The following TMCC1 variants were observed in gnomAD, a reference collection of about 807,000 sequenced individuals.
TMCC1 encodes transmembrane and coiled-coil domain family 1, also known as transmembrane and coiled-coil domains protein 1.
Under a neutral mutation model 52.4 loss-of-function variants are expected in TMCC1, and 15 were observed. The ratio of observed to expected loss-of-function variants is 0.29; its 90% CI spans 0.19 to 0.44. The LOEUF (loss-of-function observed/expected upper bound fraction) is 0.44. Among genes scored for constraint, TMCC1 ranks in the 20% least tolerant of loss-of-function variants. TMCC1 has a pLI of 1.00. For synonymous variants in TMCC1, 279 were observed against 301.9 expected, an observed-to-expected ratio of 0.92 and a Z score of 0.79; for missense variants, 503 against 806.0, an observed-to-expected ratio of 0.62 and a Z score of 4.55.
Position 129,670,905 on chromosome 3 carries a change from A to G in TMCC1, c.936T>C (p.Asn312=), listed in dbSNP as rs2087878002. 4 of 1,613,980 alleles carry G rather than the reference A, an allele frequency of 2.5e-6. No homozygotes were observed. The highest frequency in any genetic ancestry group is 3.4e-6 in the Non-Finnish European group (4 of 1,180,018). Residue 312 remains asparagine (N), a synonymous_variant, in exon 5 of 7, where the codon AAT becomes AAC. Coordinates refer to ENST00000393238, the MANE Select transcript of TMCC1 (RefSeq NM_001017395.5). ...YHRKLREVEQ[N]GIPRQPKDVF... is the part of the protein sequence containing the mutation. Reference sequence around the variant, plus strand: ...CATCCTTTGGCTGCCGGGGGATCCCATTCTGCTCTACCTCTCTGAGCTTCC... The same window carrying G: ...CATCCTTTGGCTGCCGGGGGATCCCGTTCTGCTCTACCTCTCTGAGCTTCC...
chr3:129,808,528 G>T (rs2057600690), intron 4 of TMCC1, among the ~76,000 whole-genome samples: 1 of 151,018 alleles, frequency 6.6e-6, no homozygotes, highest in Admixed American at 6.6e-5. Context: ...AGAAAATAAT[G>T]AAAGATTTAC....
At chr3:129,886,143 CAGAT>C (rs774947034) in intron 1 of TMCC1, among the ~76,000 whole-genome samples, 2 of 152,196 alleles carry the variant, frequency 1.3e-5, no homozygotes, top group Admixed American at 6.5e-5. Context: ...TTGCTGCTCT[CAGAT>C]AGATAACTGA....
intron 4 of TMCC1, chr3:129,794,502 G>A: frequency 1.5e-5 from 5 of 337,562 alleles, no homozygotes; most frequent in Admixed American, 3.9e-5. Context: ...AGCAAACTTG[G>A]AAAGCCTTCA....
At chr3:129,798,524 C>CAAAAA (rs796919072) in intron 4 of TMCC1, among the ~76,000 whole-genome samples, 18 of 67,744 alleles carry the variant, frequency 2.7e-4, no homozygotes, top group Non-Finnish European at 3.6e-4. Flanking sequence ...TCTTCCTATC[C>CAAAAA]AAAAAAAAAA....
intron 4 of TMCC1, among the ~76,000 whole-genome samples, chr3:129,723,759 A>C (rs1286381640): frequency 2.0e-5 from 3 of 152,114 alleles, no homozygotes; most frequent in Non-Finnish European, 4.4e-5. Context: ...ACAACCTTAC[A>C]CAAGTCAGTC....
At chr3:129,827,717 T>C in intron 4 of TMCC1, 86 bp downstream of exon 4, 3 of 1,473,764 alleles carry the variant, frequency 2.0e-6, no homozygotes, top group East Asian at 2.3e-5. Flanking sequence ...TGCTGAGATA[T>C]CTTTTTAGTT....
intron 2 of TMCC1, among the ~76,000 whole-genome samples, chr3:129,875,480 G>A (rs1357925183): frequency 9.4e-6 from 1 of 106,756 alleles, no homozygotes; most frequent in Admixed American, 1.5e-4. Flanking sequence ...GACAGAGGAG[G>A]ACTCCATCTC....
intron 4 of TMCC1, among the ~76,000 whole-genome samples, chr3:129,748,086 G>C (rs2052143899): frequency 6.6e-6 from 1 of 152,156 alleles, no homozygotes; most frequent in Non-Finnish European, 1.5e-5. Context: ...TGAGCAAGTA[G>C]GTCATGTTAC....
intron 2 of TMCC1, among the ~76,000 whole-genome samples, chr3:129,846,041 TA>T (rs1290693831): frequency 2.0e-5 from 3 of 147,354 alleles, no homozygotes; most frequent in Non-Finnish European, 4.5e-5. Flanking sequence ...CTCAAAAAAA[TA>T]AAAAGAAAAA....
intron 2 of TMCC1, among the ~76,000 whole-genome samples, chr3:129,879,534 A>G (rs911004297): frequency 1.3e-5 from 2 of 152,238 alleles, no homozygotes; most frequent in Non-Finnish European, 2.9e-5. Flanking sequence ...AATCCTTTAC[A>G]TTGATAAAAA....
intron 3 of TMCC1, among the ~76,000 whole-genome samples, chr3:129,831,408 C>T (rs2058906595): frequency 6.6e-6 from 1 of 152,132 alleles, no homozygotes; most frequent in Admixed American, 6.5e-5. Flanking sequence ...GCAAAACTTA[C>T]CTTAATCATA....
intron 2 of TMCC1, among the ~76,000 whole-genome samples, chr3:129,858,707 G>C (rs889992325): frequency 6.6e-6 from 1 of 151,882 alleles, no homozygotes; most frequent in Non-Finnish European, 1.5e-5. Flanking sequence ...CTATACTCAG[G>C]ATCAAAAAAA....
At chr3:129,774,065 C>CT (rs1323025034) in intron 4 of TMCC1, among the ~76,000 whole-genome samples, 1 of 152,204 alleles carries the variant, frequency 6.6e-6, no homozygotes, top group African/African-American at 2.4e-5. Flanking sequence ...ATACCTCATG[C>CT]TTTAAATGGT....
intron 4 of TMCC1, among the ~76,000 whole-genome samples, chr3:129,707,655 C>T (rs905467178): frequency 8.5e-5 from 13 of 152,138 alleles, no homozygotes; most frequent in Non-Finnish European, 1.8e-4. Flanking sequence ...TAAAATTGGT[C>T]AGACGTGGTG....
intron 4 of TMCC1, among the ~76,000 whole-genome samples, chr3:129,694,338 T>TTC (rs2047239006): frequency 6.6e-6 from 1 of 152,258 alleles, no homozygotes; most frequent in African/African-American, 2.4e-5. Context: ...GATGCCCCTG[T>TTC]ATGACTAACT....
Position 129,648,041 on chromosome 3 carries a change from T to C in TMCC1, c.*3440A>G, listed in dbSNP as rs1426359031. ...TAGTAGTCAATCCCTACTGAGGATA[T>C]CACCTAGCATACACGACATACAGAC... On this transcript the variant is annotated 3_prime_UTR_variant, in exon 7 of 7. Coordinates refer to ENST00000393238, the MANE Select transcript of TMCC1 (RefSeq NM_001017395.5). 1 of 152,644 alleles carries C rather than the reference T, an allele frequency of 6.6e-6. No homozygotes were observed. The highest frequency in any genetic ancestry group is 6.5e-5 in the Admixed American group (1 of 15,280). 9.5% of individuals were successfully genotyped at this position (152,644 alleles called of 1,614,324 possible). A position where few individuals can be genotyped will look rare whatever the true frequency, so the allele number is the denominator to read the frequency against.
intron 4 of TMCC1, among the ~76,000 whole-genome samples, chr3:129,774,354 T>A (rs2054853260): frequency 1.3e-5 from 2 of 152,226 alleles, no homozygotes; most frequent in South Asian, 4.1e-4. Context: ...ATAGGCTGTA[T>A]AAATTATCAT....
chr3:129,662,635 C>CA (rs961645658), intron 5 of TMCC1, among the ~76,000 whole-genome samples: 1 of 151,722 alleles, frequency 6.6e-6, no homozygotes, highest in African/African-American at 2.4e-5. Context: ...GACTCCATCT[C>CA]AAAAAAACAA....
intron 4 of TMCC1, among the ~76,000 whole-genome samples, chr3:129,734,088 C>T (rs1031138942): frequency 2.0e-5 from 3 of 152,026 alleles, no homozygotes; most frequent in Non-Finnish European, 2.9e-5. Flanking sequence ...ACTAGAGAAA[C>T]TCCATATATT....
Sources: gnomAD v4.1 joint callset for allele counts (sites outside exome capture counted in the v4.1 genomes callset) on GRCh38, gnomAD v4.1.1 for gene constraint, MANE v1.5 for transcripts, NCBI Gene and HGNC (gene_info 2026-07-23, HGNC 2026-07-21) for gene names.